The following ACSBG1 variants were observed in gnomAD, a reference collection of about 807,000 sequenced individuals.
The protein encoded by ACSBG1 is long-chain-fatty-acid--CoA ligase ACSBG1.
ACSBG1 carries 39 observed loss-of-function variants against 80.2 expected under a neutral mutation model. The observed-to-expected ratio is 0.49, with a 90% confidence interval of 0.38 to 0.64. The LOEUF (loss-of-function observed/expected upper bound fraction) is 0.64. Ranked by LOEUF, ACSBG1 falls within the 30% of genes least tolerant of loss-of-function variation. ACSBG1 has a pLI of 0.00. For missense variants in ACSBG1, 828 were observed against 966.4 expected (o/e 0.86, Z 1.90); for synonymous variants, 392 against 379.5 (o/e 1.03, Z -0.38).
Position 78,174,763 on chromosome 15 carries a change from A to G in ACSBG1, c.1703-239T>C. ...CCCTCTCCTCGGCTTGTCATCCACG[A>G]CTCAGCCTGCTCAGACATCTCATCC... On this transcript the variant is annotated intron_variant, in intron 11 of 13. Coordinates refer to ENST00000258873, the MANE Select transcript of ACSBG1 (RefSeq NM_015162.5). 5.6e-6 allele frequency: 3 copies of G among 531,324 alleles called. No individual in the cohort carries two copies. The South Asian group carries it at 6.6e-5, about 12-fold the overall frequency. The allele number at this position is 531,324 out of a possible 1,614,324, so 32.9% of individuals were successfully genotyped here.
rs1384997300 is a variant in ACSBG1, at chr15:78,171,418, A to G, written c.*26T>C. Reference sequence around the variant, plus strand: ...GCTCGGAACGCCTGCCCTCTATTCTATAGAAACTGCAGGCATAGGCCCTGA... The same window carrying G: ...GCTCGGAACGCCTGCCCTCTATTCTGTAGAAACTGCAGGCATAGGCCCTGA... On this transcript the variant is annotated 3_prime_UTR_variant, in exon 14 of 14. Coordinates refer to ENST00000258873, the MANE Select transcript of ACSBG1 (RefSeq NM_015162.5). The G allele has an allele frequency of 1.9e-6, 3 of 1,599,382 alleles. No homozygotes were observed. The highest frequency in any genetic ancestry group is 2.6e-6 in the Non-Finnish European group (3 of 1,166,868).
intron 2 of ACSBG1, among the ~76,000 whole-genome samples, chr15:78,200,039 C>G (rs2075152682): frequency 6.6e-6 from 1 of 152,166 alleles, no homozygotes; most frequent in African/African-American, 2.4e-5. Flanking sequence ...TTTACCGGAT[C>G]AAGAGAAAAG....
intron 2 of ACSBG1, among the ~76,000 whole-genome samples, chr15:78,201,876 C>T (rs1294625745): frequency 1.4e-4 from 21 of 152,178 alleles, no homozygotes; most frequent in Admixed American, 1.1e-3. Flanking sequence ...TGCATGAGAC[C>T]GGAGCTGCAA....
chr15:78,174,109 C>T lies in ACSBG1; in HGVS notation c.1843-270G>A, dbSNP rs147214991. Among the ~76,000 whole-genome samples the T allele has an allele frequency of 2.1e-3, 326 of 152,278 alleles. 4 individuals carry two copies. The East Asian group carries it at 0.039, about 18-fold the overall frequency. On this transcript the variant is annotated intron_variant, in intron 12 of 13. Transcript: ENST00000258873. ...CCTGCCTGTCTACCACCCTGGGGTC[C>T]AAGTACCTGCAGAGAGCAATGAGGG... is the stretch of plus-strand genomic sequence containing the variant.
intron 1 of ACSBG1, chr15:78,212,615 C>T (rs1458523891): frequency 2.2e-6 from 1 of 455,732 alleles, no homozygotes; most frequent in Non-Finnish European, 4.4e-6. Flanking sequence ...TGGGGGGTGG[C>T]TGCAATCTGT....
chr15:78,218,227 G>A (rs1271901833), intron 1 of ACSBG1, among the ~76,000 whole-genome samples: 1 of 138,702 alleles, frequency 7.2e-6, no homozygotes, highest in East Asian at 2.0e-4. Context: ...GAGATGAGAA[G>A]AAAGAACACT....
chr15:78,231,869 A>G (rs1161050350), intron 1 of ACSBG1, among the ~76,000 whole-genome samples: 1 of 152,232 alleles, frequency 6.6e-6, no homozygotes, highest in Non-Finnish European at 1.5e-5. Context: ...AATTACAGGC[A>G]TGAGCCACTG....
intron 2 of ACSBG1, among the ~76,000 whole-genome samples, chr15:78,202,749 A>G (rs1039786152): frequency 2.0e-5 from 3 of 152,206 alleles, no homozygotes; most frequent in Non-Finnish European, 4.4e-5. Context: ...CTGGCAATAT[A>G]TATCCAAAGG....
At chr15:78,181,652 C>T (rs2074946130) in intron 8 of ACSBG1, among the ~76,000 whole-genome samples, 2 of 152,074 alleles carry the variant, frequency 1.3e-5, no homozygotes, top group Admixed American at 6.6e-5. Flanking sequence ...TGCCACCACT[C>T]CCATCTAATT....
rs149922015 is a variant in ACSBG1 at position 78,232,288 on chromosome 15, C to G, written c.131+2083G>C. The stretch of plus-strand genomic sequence containing the variant: ...AAACAATGTATCCAAAGTCACTCAG[C>G]AAGAAAGTAGTAGAACTGACACTCC... On this transcript the variant is annotated intron_variant, in intron 1 of 13. Transcript: ENST00000258873. Among the ~76,000 whole-genome samples the G allele has an allele frequency of 5.3e-5, 8 of 152,340 alleles. No individual in the cohort carries two copies. In the East Asian group the frequency reaches 1.5e-3, roughly 29 times the overall value.
chr15:78,228,699 C>G (rs1490326174), intron 1 of ACSBG1, among the ~76,000 whole-genome samples: 1 of 152,224 alleles, frequency 6.6e-6, no homozygotes. Context: ...ATCTTGGGCT[C>G]TTGACACCAG....
chr15:78,194,855 AGGGTAGACTG>A lies in ACSBG1; in HGVS notation c.233-139_233-130del, dbSNP rs986041256. 40 of 910,336 alleles carry A rather than the reference AGGGTAGACTG, an allele frequency of 4.4e-5. No homozygotes were observed. In the African/African-American group the frequency reaches 4.8e-4, roughly 11 times the overall value. 56.4% of individuals were successfully genotyped at this position (910,336 alleles called of 1,614,324 possible). ...TCCTCGGCCTTGAGGCTGGCAGGCCAGGGTAGACTGGGGTAGACTGGGGTAGGCTGGGAGA... is the reference window on the plus strand; with the variant it reads ...TCCTCGGCCTTGAGGCTGGCAGGCCAGGGTAGACTGGGGTAGGCTGGGAGA... On this transcript the variant is annotated intron_variant, in intron 2 of 13. Coordinates refer to ENST00000258873, the MANE Select transcript of ACSBG1 (RefSeq NM_015162.5).
intron 7 of ACSBG1, 95 bp from the exon 8 acceptor site, chr15:78,182,240 T>C: frequency 6.8e-7 from 1 of 1,477,656 alleles, no homozygotes; most frequent in Non-Finnish European, 9.1e-7. Flanking sequence ...CCCAGTGTGG[T>C]GCCCCCTGTG....
intron 13 of ACSBG1, chr15:78,171,934 G>A (rs775958279): frequency 3.2e-5 from 5 of 156,854 alleles, no homozygotes; most frequent in Admixed American, 1.3e-4. Flanking sequence ...AATTGTTGAA[G>A]CAATTAAAAA....
chr15:78,209,358 G>T, intron 1 of ACSBG1: 1 of 431,134 alleles, frequency 2.3e-6, no homozygotes, highest in South Asian at 1.7e-5. Flanking sequence ...CGAAATTTGT[G>T]AGCAAGGCCT....
chr15:78,178,931 T>A lies in ACSBG1; in HGVS notation c.1485-100A>T. ...CAACTGCTCGGTCTTCACTGATTGC[T>A]AGAAGGTATCCCCTCACAGGGCTTT... On this transcript the variant is annotated intron_variant, in intron 10 of 13. Coordinates refer to ENST00000258873, the MANE Select transcript of ACSBG1 (RefSeq NM_015162.5). This position sits in a 1 kb window ranked among gnomAD's most constrained non-coding sequence, Gnocchi z 4.3. 8.2e-7 allele frequency: 1 copy of A among 1,214,966 alleles called. No individual in the cohort carries two copies. Among genetic ancestry groups the A allele is most frequent in the Non-Finnish European group, 1.1e-6 (1 of 889,294 alleles). 75.3% of individuals were successfully genotyped at this position (1,214,966 alleles called of 1,614,324 possible). A position where few individuals can be genotyped will look rare whatever the true frequency, so the allele number is the denominator to read the frequency against.
intron 2 of ACSBG1, among the ~76,000 whole-genome samples, chr15:78,196,323 C>T (rs2075114463): frequency 6.6e-6 from 1 of 152,248 alleles, no homozygotes; most frequent in Admixed American, 6.5e-5. Flanking sequence ...TTCAGAGCCT[C>T]TAACTGTTGC....
intron 1 of ACSBG1, among the ~76,000 whole-genome samples, chr15:78,217,035 A>C (rs890394158): frequency 1.3e-5 from 2 of 152,228 alleles, no homozygotes; most frequent in Non-Finnish European, 2.9e-5. Flanking sequence ...CAGATATCAC[A>C]GATAAAGGGC....
intron 2 of ACSBG1, among the ~76,000 whole-genome samples, chr15:78,205,899 G>T (rs754349023): frequency 6.6e-6 from 1 of 152,160 alleles, no homozygotes; most frequent in Non-Finnish European, 1.5e-5. Context: ...AGAGCCCAGG[G>T]CTCCCAAGCT....
Sources: allele counts gnomAD v4.1 joint callset (sites outside exome capture counted in the v4.1 genomes callset), GRCh38; gene constraint gnomAD v4.1.1; non-coding constraint Gnocchi (gnomAD v3.1); transcripts MANE v1.5; gene names NCBI Gene and HGNC (gene_info 2026-07-23, HGNC 2026-07-21).